PAM: variants seen among roughly 807,000 people sequenced by gnomAD.
The protein encoded by PAM is peptidyl-glycine alpha-amidating monooxygenase.
Under a neutral mutation model 122.1 loss-of-function variants are expected in PAM, and 72 were observed. That is an observed-to-expected ratio of 0.59 (90% CI 0.49 to 0.72). The LOEUF is 0.72. PAM is among the 30% of genes least tolerant of loss of function. The pLI, the probability that PAM is intolerant of heterozygous loss-of-function variation, is 0.00. For missense variants in PAM, 1,106 were observed against 1,183.7 expected (o/e 0.93, Z 0.96); for synonymous variants, 389 against 404.4 (o/e 0.96, Z 0.46).
At chr5:102,950,416 G>GGGTATGTGTGTGTGTGTGT (rs372626572) in intron 11 of PAM, among the ~76,000 whole-genome samples, 1 of 145,966 alleles carries the variant, frequency 6.9e-6, no homozygotes, top group African/African-American at 2.6e-5. Flanking sequence ...TATGTGGGTG[G>GGGTATGTGTGTGTGTGTGT]GTGTGTGTGT....
At chr5:102,977,658 G>GCACA (rs10527378) in intron 15 of PAM, among the ~76,000 whole-genome samples, 5,875 of 142,958 alleles carry the variant, frequency 0.041, 180 homozygotes, top group Admixed American at 0.11. Flanking sequence ...ATGCATGTGC[G>GCACA]CACACACACA....
chr5:102,890,435 T>G (rs548335215), intron 3 of PAM, among the ~76,000 whole-genome samples: 1 of 151,914 alleles, frequency 6.6e-6, no homozygotes, highest in Non-Finnish European at 1.5e-5. Flanking sequence ...TCTCATTCCT[T>G]CTGAATTTGT....
At chr5:102,906,119 C>A (rs1253830606) in intron 4 of PAM, among the ~76,000 whole-genome samples, 1 of 151,716 alleles carries the variant, frequency 6.6e-6, no homozygotes, top group Non-Finnish European at 1.5e-5. Context: ...CAACGTCCAA[C>A]ATCTCCTCAG....
chr5:102,979,679 CTTA>C (rs1769074992), intron 15 of PAM, among the ~76,000 whole-genome samples: 1 of 152,016 alleles, frequency 6.6e-6, no homozygotes, highest in Non-Finnish European at 1.5e-5. Flanking sequence ...CTTTCAAATA[CTTA>C]TTAATAATTT....
intron 1 of PAM, among the ~76,000 whole-genome samples, chr5:102,851,216 A>G (rs751309651): frequency 2.0e-5 from 3 of 152,212 alleles, no homozygotes; most frequent in Non-Finnish European, 4.4e-5. Flanking sequence ...TTAAATACAA[A>G]AGATTCAGGA....
chr5:102,787,234 T>A lies in PAM; in HGVS notation c.-374+31886T>A, dbSNP rs563831107. Among the ~76,000 whole-genome samples the A allele has an allele frequency of 4.3e-4, 66 of 152,220 alleles. 1 individual carries two copies. The highest frequency in any genetic ancestry group is 1.5e-3 in the African/African-American group (64 of 41,548). On this transcript the variant is annotated intron_variant, in intron 1 of 25. Transcript: ENST00000438793. ...TGGGAGCTGGCAGAAGAAGAATAGA[T>A]GTAGTTCTTGGTATTTGCATCTCTA...
At chr5:102,797,291 TA>T (rs1409214323) in intron 1 of PAM, among the ~76,000 whole-genome samples, 2 of 152,178 alleles carry the variant, frequency 1.3e-5, no homozygotes, top group African/African-American at 4.8e-5. Context: ...ATGGTGCTTT[TA>T]AAAATCCAAT....
chr5:103,025,417 T>C, intron 24 of PAM, 83 bp downstream of exon 24: 1 of 1,124,348 alleles, frequency 8.9e-7, no homozygotes, highest in South Asian at 1.2e-5. Flanking sequence ...TTGATTGGGA[T>C]TTTTTTCACT....
chr5:102,951,739 G>C (rs1049798265), intron 12 of PAM, among the ~76,000 whole-genome samples: 3 of 151,990 alleles, frequency 2.0e-5, no homozygotes, highest in Non-Finnish European at 2.9e-5. Flanking sequence ...ACTCTAAATG[G>C]CTTTTTTATA....
intron 6 of PAM, 121 bp from the exon 7 acceptor site, chr5:102,926,464 A>T (rs542812907): frequency 3.2e-6 from 2 of 627,526 alleles, no homozygotes; most frequent in African/African-American, 1.9e-5. Context: ...TTCTGTTTTC[A>T]TATAATATAA....
At chr5:102,989,224 C>A (rs1773216196) in intron 15 of PAM, among the ~76,000 whole-genome samples, 1 of 152,170 alleles carries the variant, frequency 6.6e-6, no homozygotes. Flanking sequence ...ACAAGTGAGG[C>A]TGGCTGTGGT....
At chr5:102,927,310 A>G (rs530739012) in intron 7 of PAM, among the ~76,000 whole-genome samples, 35 of 152,308 alleles carry the variant, frequency 2.3e-4, no homozygotes, top group African/African-American at 8.2e-4. Flanking sequence ...AAGGCAACCA[A>G]GATCAATGCT....
intron 1 of PAM, among the ~76,000 whole-genome samples, chr5:102,828,562 C>G (rs1481941361): frequency 1.3e-5 from 2 of 152,202 alleles, no homozygotes; most frequent in Non-Finnish European, 2.9e-5. Flanking sequence ...TACTTACCCT[C>G]TCTTGCTTCT....
chr5:103,004,392 A>G (rs1562212815), intron 17 of PAM, among the ~76,000 whole-genome samples: 1 of 152,190 alleles, frequency 6.6e-6, no homozygotes, highest in East Asian at 1.9e-4. Context: ...AGTTCAGCTA[A>G]TTAGTCAAAA....
intron 3 of PAM, among the ~76,000 whole-genome samples, chr5:102,876,673 G>A (rs987288515): frequency 6.6e-5 from 10 of 152,220 alleles, no homozygotes; most frequent in Non-Finnish European, 8.8e-5. Context: ...AGTAGTATGT[G>A]GGGGCTCAGT....
intron 8 of PAM, among the ~76,000 whole-genome samples, chr5:102,948,046 T>G (rs1757588446): frequency 6.6e-6 from 1 of 152,160 alleles, no homozygotes; most frequent in African/African-American, 2.4e-5. Context: ...CCACCCGCAC[T>G]ATGGAAAATA....
At chr5:102,826,381 C>T (rs1047961889) in intron 1 of PAM, among the ~76,000 whole-genome samples, 2 of 152,086 alleles carry the variant, frequency 1.3e-5, no homozygotes, top group Non-Finnish European at 1.5e-5. Context: ...TATCCAGGGT[C>T]CTTTCATTGT....
intron 24 of PAM, 165 bp downstream of exon 24, chr5:103,025,499 T>C (rs1441140136): frequency 1.5e-6 from 1 of 660,342 alleles, no homozygotes; most frequent in South Asian, 1.7e-5. Context: ...ATATTGCCCC[T>C]AGTTAATATC....
chr5:102,901,627 T>A (rs1489552656), intron 4 of PAM, among the ~76,000 whole-genome samples: 2 of 151,644 alleles, frequency 1.3e-5, no homozygotes, highest in East Asian at 3.9e-4. Flanking sequence ...GTAATAGTAA[T>A]TAAGGAGTTG....
Sources: allele counts gnomAD v4.1 joint callset (sites outside exome capture counted in the v4.1 genomes callset), GRCh38; gene constraint gnomAD v4.1.1; transcripts MANE v1.5; gene names NCBI Gene and HGNC (gene_info 2026-07-23, HGNC 2026-07-21).